TRHDE: variants seen among roughly 807,000 people sequenced by gnomAD.
The protein encoded by TRHDE is thyrotropin-releasing hormone-degrading ectoenzyme.
Under a neutral mutation model 125.7 loss-of-function variants are expected in TRHDE, and 72 were observed. That is an observed-to-expected ratio of 0.57 (90% CI 0.47 to 0.70). The LOEUF (loss-of-function observed/expected upper bound fraction) is 0.70. Ranked by LOEUF, TRHDE falls within the 30% of genes least tolerant of loss-of-function variation. The pLI is 0.00. For missense variants in TRHDE, 1,110 were observed against 1,327.1 expected, an observed-to-expected ratio of 0.84 and a Z score of 2.54; for synonymous variants, 509 against 509.1, an observed-to-expected ratio of 1.00 and a Z score of 0.00.
chr12:72,208,862 G>A (rs190501234), intron 2 of TRHDE, among the ~76,000 whole-genome samples: 21 of 152,164 alleles, frequency 1.4e-4, no homozygotes, highest in African/African-American at 3.1e-4. Context: ...TTCTGAATCC[G>A]GAGACAGTTG....
At chr12:72,284,309 AT>A (rs753798989) in intron 1 of TRHDE, among the ~76,000 whole-genome samples, 29 of 152,314 alleles carry the variant, frequency 1.9e-4, no homozygotes, top group Non-Finnish European at 2.9e-4. Context: ...GTTCTCAGAT[AT>A]TTCGAAGTTA....
rs150790920 is a variant in TRHDE at position 72,122,642 on chromosome 12, A to G, written n.279+16890A>G. 2.5e-3 allele frequency among the ~76,000 whole-genome samples: 382 copies of G among 152,230 alleles called. 3 individuals carry two copies. Among genetic ancestry groups the G allele is most frequent in the African/African-American group, 8.9e-3 (370 of 41,550 alleles). On this transcript the variant is annotated intron_variant and non_coding_transcript_variant, in intron 2 of 4. Transcript: ENST00000548156. ...TTTAAACTGGTAGTTAACTCAAAAC[A>G]CTTAGAGTTTTATATGGCAGCATTC...
intron 3 of TRHDE, among the ~76,000 whole-genome samples, chr12:72,462,335 G>A (rs1876162473): frequency 3.9e-5 from 6 of 152,170 alleles, no homozygotes; most frequent in Admixed American, 3.3e-4. Flanking sequence ...GGAAGGGAAT[G>A]CATCTGAGTG....
chr12:72,298,279 C>T (rs1379627414), intron 2 of TRHDE, among the ~76,000 whole-genome samples: 1 of 152,074 alleles, frequency 6.6e-6, no homozygotes, highest in Non-Finnish European at 1.5e-5. Flanking sequence ...TTTTTTCCTT[C>T]AGTAGAGAGG....
intron 2 of TRHDE, among the ~76,000 whole-genome samples, chr12:72,289,560 T>A (rs1165530599): frequency 2.6e-5 from 4 of 152,196 alleles, no homozygotes; most frequent in Non-Finnish European, 1.5e-5. Context: ...TTCTGGCTTC[T>A]CTTGAAAAAT....
In TRHDE at chr12:72,591,774, T is replaced by C. The variant is rs1201892226; in HGVS notation, c.2321+16232T>C. Among the ~76,000 whole-genome samples, 4 of 151,950 alleles carry C rather than the reference T, an allele frequency of 2.6e-5. No homozygotes were observed. The East Asian group carries it at 7.7e-4, about 29-fold the overall frequency. On this transcript the variant is annotated intron_variant, in intron 12 of 18. Coordinates refer to ENST00000261180, the MANE Select transcript of TRHDE (RefSeq NM_013381.3). ...TTTATTATTATTATAGAACTATGGA[T>C]TGATGGTGTCTTTCACCCACCACTT...
intron 5 of TRHDE, among the ~76,000 whole-genome samples, chr12:72,479,047 T>G (rs1877036559): frequency 6.6e-6 from 1 of 152,132 alleles, no homozygotes; most frequent in African/African-American, 2.4e-5. Flanking sequence ...TTTCTCATTT[T>G]AGGACTAATT....
chr12:72,348,739 T>C (rs1321319754), intron 2 of TRHDE, among the ~76,000 whole-genome samples: 1 of 152,070 alleles, frequency 6.6e-6, no homozygotes, highest in African/African-American at 2.4e-5. Flanking sequence ...CTATAGGCAT[T>C]CTTTTGAGAC....
chr12:72,350,918 G>C (rs971411961), intron 2 of TRHDE, among the ~76,000 whole-genome samples: 1 of 151,952 alleles, frequency 6.6e-6, no homozygotes. Flanking sequence ...GTTACTATGA[G>C]TGTCTATAGT....
chr12:72,262,835 A>C (rs1337161411), intron 2 of TRHDE: 3 of 152,156 alleles, frequency 2.0e-5, no homozygotes, highest in South Asian at 2.1e-4. Context: ...GCGCTTCTAA[A>C]AATGAATCAA....
chr12:72,353,903 C>CA (rs150940781), intron 2 of TRHDE, among the ~76,000 whole-genome samples: 62,525 of 150,782 alleles, frequency 0.41, 14,958 homozygotes, highest in East Asian at 0.6. Context: ...GTATGCTAAT[C>CA]CTGATGTCAT....
chr12:72,295,033 C>G (rs1054539385), intron 2 of TRHDE, among the ~76,000 whole-genome samples: 3 of 151,710 alleles, frequency 2.0e-5, no homozygotes, highest in African/African-American at 7.3e-5. Flanking sequence ...GCAAGGGGGG[C>G]TTTCCTGGGC....
chr12:72,481,560 CTTT>C (rs145153780), intron 5 of TRHDE, among the ~76,000 whole-genome samples: 4 of 134,052 alleles, frequency 3.0e-5, no homozygotes. Context: ...TCTCTACAGT[CTTT>C]TTTTTTTTTT....
rs535761548 is a variant in TRHDE at position 72,373,558 on chromosome 12, A to G, written c.1189-4437A>G. On this transcript the variant is annotated intron_variant, in intron 2 of 18. Coordinates refer to ENST00000261180, the MANE Select transcript of TRHDE (RefSeq NM_013381.3). ...TGAAAAAATGGTAGCAAGAAGCAAAATGAATAAATAAAACTTATATTTTGC... is the reference window on the plus strand; with the variant it reads ...TGAAAAAATGGTAGCAAGAAGCAAAGTGAATAAATAAAACTTATATTTTGC... Among the ~76,000 whole-genome samples the G allele has an allele frequency of 9.8e-5, 15 of 152,318 alleles. No homozygotes were observed. In the Middle Eastern group the frequency reaches 0.01, roughly 104 times the overall value.
chr12:72,602,663 C>A (rs1872255307), intron 12 of TRHDE, among the ~76,000 whole-genome samples: 1 of 152,124 alleles, frequency 6.6e-6, no homozygotes, highest in Admixed American at 6.5e-5. Flanking sequence ...TAATTAAATT[C>A]TAAATCACCA....
chr12:72,144,203 T>C (rs1001164039), intron 2 of TRHDE, among the ~76,000 whole-genome samples: 2 of 152,146 alleles, frequency 1.3e-5, no homozygotes, highest in East Asian at 1.9e-4. Context: ...ACAGAAGAGG[T>C]TGACTTTTTA....
chr12:72,182,273 G>A (rs942746218), intron 2 of TRHDE, among the ~76,000 whole-genome samples: 3 of 152,120 alleles, frequency 2.0e-5, no homozygotes, highest in African/African-American at 7.2e-5. Flanking sequence ...AACAGGGATG[G>A]ACAGTTGATT....
chr12:72,102,776 T>G (rs907861653), intron 1 of TRHDE, among the ~76,000 whole-genome samples: 6 of 152,186 alleles, frequency 3.9e-5, no homozygotes, highest in Non-Finnish European at 1.5e-5. Context: ...GATCCCAGTG[T>G]ATCATGAATA....
At chr12:72,384,863 A>G (rs910535114) in intron 3 of TRHDE, among the ~76,000 whole-genome samples, 1 of 152,090 alleles carries the variant, frequency 6.6e-6, no homozygotes, top group African/African-American at 2.4e-5. Context: ...TTTTCATCAC[A>G]TATTTGTATT....
Sources: gnomAD v4.1 joint callset for allele counts (sites outside exome capture counted in the v4.1 genomes callset) on GRCh38, gnomAD v4.1.1 for gene constraint, MANE v1.5 for transcripts, NCBI Gene and HGNC (gene_info 2026-07-23, HGNC 2026-07-21) for gene names.